Variants in ASGR2 observed in about 807,000 individuals in gnomAD.
The protein encoded by ASGR2 is C-type lectin domain family 4 member H2.
In ASGR2, 34 loss-of-function variants were observed where a neutral mutation model predicts 32.3. The observed-to-expected ratio is 1.05, with a 90% CI of 0.80 to 1.40. ASGR2 has a LOEUF of 1.40. Among genes scored for constraint, ASGR2 ranks in the 40% most tolerant of loss-of-function variants. The probability of loss-of-function intolerance (pLI) is 0.00; values close to 1 mark genes in which losing one functional copy is unlikely to be tolerated. For missense variants in ASGR2, 385 were observed against 386.4 expected, an observed-to-expected ratio of 1.00 and a Z score of 0.03; for synonymous variants, 143 against 150.0, an observed-to-expected ratio of 0.95 and a Z score of 0.34.
intron 2 of ASGR2, among the ~76,000 whole-genome samples, chr17:7,111,944 G>A (rs2151734842): frequency 6.8e-6 from 1 of 146,394 alleles, no homozygotes; most frequent in East Asian, 2.0e-4. Context: ...CTGGGAGGCT[G>A]AAGTGGAAGG....
At chr17:7,102,784 G>C (rs1913044439) in intron 7 of ASGR2, among the ~76,000 whole-genome samples, 2 of 152,168 alleles carry the variant, frequency 1.3e-5, no homozygotes. Flanking sequence ...TCAGGCCCGG[G>C]AGCTTCTAAG....
chr17:7,109,297 G>A (rs1914322224), intron 2 of ASGR2, among the ~76,000 whole-genome samples: 1 of 152,040 alleles, frequency 6.6e-6, no homozygotes, highest in Admixed American at 6.5e-5. Context: ...AGTGGCAGAG[G>A]CCTCCAGATC....
intron 2 of ASGR2, among the ~76,000 whole-genome samples, chr17:7,109,760 G>T (rs760644620): frequency 6.6e-6 from 1 of 151,702 alleles, no homozygotes; most frequent in Non-Finnish European, 1.5e-5. Flanking sequence ...TCATGACCAC[G>T]CTCTGCTGTA....
At chr17:7,103,514 G>A (rs990305879) in intron 7 of ASGR2, among the ~76,000 whole-genome samples, 5 of 152,214 alleles carry the variant, frequency 3.3e-5, no homozygotes, top group Non-Finnish European at 5.9e-5. Flanking sequence ...GTTAAAGACT[G>A]AGAGGAGGAA....
At chr17:7,102,252 C>T (rs1912946648) in intron 7 of ASGR2, 56 bp from the exon 8 acceptor site, 1 of 1,443,992 alleles carries the variant, frequency 6.9e-7, no homozygotes, top group African/African-American at 1.4e-5. Context: ...CTCCTCCCTC[C>T]ATGCAGGCAT....
In ASGR2 at chr17:7,108,633, AATGTCCCCGC is replaced by A; in HGVS notation, c.242-86_242-77del. Reference sequence around the variant, plus strand: ...TCACTGTCCATGTGACTGGCCCCTCAATGTCCCCGCATTTGCCCCAGCTTGTGCTCCACCC... The same window carrying A: ...TCACTGTCCATGTGACTGGCCCCTCAATTTGCCCCAGCTTGTGCTCCACCC... On this transcript the variant is annotated intron_variant, in intron 3 of 8. Coordinates refer to ENST00000691900, the MANE Select transcript of ASGR2 (RefSeq NM_001201352.2). The surrounding 1 kb of genome is among the most constrained non-coding windows in gnomAD (Gnocchi z 4.9). The A allele has an allele frequency of 6.2e-7, 1 of 1,601,310 alleles. No individual in the cohort carries two copies. Among genetic ancestry groups the A allele is most frequent in the Non-Finnish European group, 8.5e-7 (1 of 1,171,890 alleles).
rs1305003507 is a variant in ASGR2, at chr17:7,113,888, G to A, written c.124+229C>T. Among the ~76,000 whole-genome samples, 3 of 152,260 alleles carry A rather than the reference G, an allele frequency of 2.0e-5. No homozygotes were observed. The highest frequency in any genetic ancestry group is 6.5e-5 in the Admixed American group (1 of 15,292). ...ACATACGAGGCACATGTGTTCTTGG[G>A]TTGGGAGGAGAAGGGCAGGCAGTTA... On this transcript the variant is annotated intron_variant, in intron 2 of 8. Transcript: ENST00000691900. The surrounding 1 kb of genome is among the most constrained non-coding windows in gnomAD (Gnocchi z 5.1).
rs567573001 is a variant in ASGR2, at chr17:7,111,483, C to T, written c.125-2595G>A. Among the ~76,000 whole-genome samples, 8 of 151,954 alleles carry T rather than the reference C, an allele frequency of 5.3e-5. No individual in the cohort carries two copies. In the South Asian group the frequency reaches 6.2e-4, roughly 12 times the overall value. On this transcript the variant is annotated intron_variant, in intron 2 of 8. Transcript: ENST00000691900. ...CATCCTGGCTAACATGGTGAAACCC[C>T]ATCTCTACTAAAAATACAAAAAATT...
chr17:7,108,948 C>T lies in ASGR2; in HGVS notation c.125-60G>A. On this transcript the variant is annotated intron_variant, in intron 2 of 8. Transcript: ENST00000691900. The surrounding 1 kb of genome is among the most constrained non-coding windows in gnomAD (Gnocchi z 4.9). ...GGTGTGGGGAGCCGGAGGGTAAAGA[C>T]AGGGCACCGAAGCCTGAGGAGGCAT... 6.5e-7 allele frequency: 1 copy of T among 1,535,270 alleles called. No homozygotes were observed. Among genetic ancestry groups the T allele is most frequent in the East Asian group, 2.5e-5 (1 of 40,592 alleles).
intron 2 of ASGR2, among the ~76,000 whole-genome samples, chr17:7,110,238 A>C (rs1236449319): frequency 6.6e-6 from 1 of 152,040 alleles, no homozygotes; most frequent in Non-Finnish European, 1.5e-5. Context: ...TGACCCAGGG[A>C]GGCCTCTGAC....
At chr17:7,105,417 C>T (rs951442445) in intron 7 of ASGR2, among the ~76,000 whole-genome samples, 1 of 152,192 alleles carries the variant, frequency 6.6e-6, no homozygotes, top group African/African-American at 2.4e-5. Context: ...GGCTCAGACA[C>T]CTGTAATCCC....
Position 7,113,013 on chromosome 17 carries a change from C to T in ASGR2, c.124+1104G>A, listed in dbSNP as rs1029552784. On this transcript the variant is annotated intron_variant, in intron 2 of 8. Transcript: ENST00000691900. This position sits in a 1 kb window ranked among gnomAD's most constrained non-coding sequence, Gnocchi z 5.1. ...TCTCTAAAAAATTTTTTTTAATTTG[C>T]CAGGCACAGTGGTGCACACCTGTAA... Among the ~76,000 whole-genome samples the T allele has an allele frequency of 2.0e-5, 3 of 151,988 alleles. No homozygotes were observed. Among genetic ancestry groups the T allele is most frequent in the Admixed American group, 2.0e-4 (3 of 15,256 alleles).
At chr17:7,102,739 C>A (rs770730672) in intron 7 of ASGR2, among the ~76,000 whole-genome samples, 1 of 152,160 alleles carries the variant, frequency 6.6e-6, no homozygotes, top group Admixed American at 6.6e-5. Flanking sequence ...TGGTAGCTCT[C>A]GCTTCTATGT....
chr17:7,110,560 T>C (rs780244372), intron 2 of ASGR2, among the ~76,000 whole-genome samples: 11 of 152,246 alleles, frequency 7.2e-5, no homozygotes, highest in Non-Finnish European at 1.3e-4. Flanking sequence ...CAGGTAGCTC[T>C]GAGATCATGC....
Position 7,114,146 on chromosome 17 carries a change from T to C in ASGR2, c.95A>G (p.Asn32Ser). The C allele has an allele frequency of 6.2e-7, 1 of 1,614,224 alleles. No homozygotes were observed. Among genetic ancestry groups the C allele is most frequent in the Non-Finnish European group, 8.5e-7 (1 of 1,180,028 alleles). The change falls in exon 2 of 9, where the codon AAT becomes AGT. Residue 32 changes from asparagine (N) to serine (S), a missense_variant. Asn to Ser is a conservative substitution (Grantham distance 46). Transcript: ENST00000691900. The surrounding 1 kb of genome is among the most constrained non-coding windows in gnomAD (Gnocchi z 4.5). ...CAAAAATGGATTTCCTCTCCTGGGA[T>C]TCAGCCTGCGAGTGCCTGGCCCCTC... ...QGEGPGTRRL[N>S]PRRGNPFLKG... is the part of the protein sequence containing the mutation.
chr17:7,101,624 T>G lies in ASGR2; in HGVS notation c.872A>C (p.Tyr291Ser). 1 of 1,614,174 alleles carries G rather than the reference T, an allele frequency of 6.2e-7. No homozygotes were observed. The highest frequency in any genetic ancestry group is 8.5e-7 in the Non-Finnish European group (1 of 1,180,032). The part of the protein sequence containing the change: ...RWNDDFCLQV[Y>S]RWVCEKRRNA... ...CCGCCTTTTCTCACACACCCAGCGGTACACCTGCAGGCAGAAGTCATCGTT... is the reference window on the plus strand; with the variant it reads ...CCGCCTTTTCTCACACACCCAGCGGGACACCTGCAGGCAGAAGTCATCGTT... Residue 291 changes from tyrosine (Y) to serine (S), a missense_variant, in exon 9 of 9, where the codon TAC becomes TCC. By Grantham distance (144) the Tyr-to-Ser change is moderately radical. Coordinates refer to ENST00000691900, the MANE Select transcript of ASGR2 (RefSeq NM_001201352.2).
chr17:7,107,864 C>T lies in ASGR2; in HGVS notation c.381G>A (p.Leu127=), dbSNP rs574890339. ...GDKITSLGAK[L]EKQQQDLKAD... ...CTTTCAGGTCCTGCTGCTGTTTCTC[C>T]AGCTTGGCTCCTAGGGATGTGATCT... Residue 127 remains leucine (L), a synonymous_variant, in exon 5 of 9, where the codon CTG becomes CTA. Transcript: ENST00000691900. The surrounding 1 kb of genome is among the most constrained non-coding windows in gnomAD (Gnocchi z 5.0). The T allele has an allele frequency of 7.3e-5, 118 of 1,612,766 alleles. 2 individuals carry two copies. The South Asian group carries it at 1.2e-3, about 17-fold the overall frequency.
In ASGR2 at chr17:7,107,260, GCCACGAAGCGCAGGT is replaced by G; in HGVS notation, c.452_466del (p.Asp151_Val155del). On this transcript the variant is annotated inframe_deletion, in exon 6 of 9. Transcript: ENST00000691900. This position sits in a 1 kb window ranked among gnomAD's most constrained non-coding sequence, Gnocchi z 5.0. ...GCTGTGGAGGAGCTCCATCTGGCAG[GCCACGAAGCGCAGGT>G]CCACGGGGAAGTGCTTCAGATGGAA... 1 of 1,614,108 alleles carries G rather than the reference GCCACGAAGCGCAGGT, an allele frequency of 6.2e-7. No homozygotes were observed. Among genetic ancestry groups the G allele is most frequent in the Non-Finnish European group, 8.5e-7 (1 of 1,180,020 alleles).
chr17:7,113,728 C>G lies in ASGR2; in HGVS notation c.124+389G>C, dbSNP rs1048214882. Among the ~76,000 whole-genome samples, 1 of 143,660 alleles carries G rather than the reference C, an allele frequency of 7.0e-6. No individual in the cohort carries two copies. Among genetic ancestry groups the G allele is most frequent in the Non-Finnish European group, 1.5e-5 (1 of 65,090 alleles). The allele number at this position is 143,660 out of a possible 152,430, so 94.2% of individuals were successfully genotyped here. On this transcript the variant is annotated intron_variant, in intron 2 of 8. Transcript: ENST00000691900. This position sits in a 1 kb window ranked among gnomAD's most constrained non-coding sequence, Gnocchi z 5.1. ...CACACTCTCACACACAACATACCCTCTCACATACACGACATACACACACAC... is the reference window on the plus strand; with the variant it reads ...CACACTCTCACACACAACATACCCTGTCACATACACGACATACACACACAC...
Sources: gnomAD v4.1 joint callset for allele counts (sites outside exome capture counted in the v4.1 genomes callset) on GRCh38, gnomAD v4.1.1 for gene constraint, Gnocchi (gnomAD v3.1) non-coding constraint, MANE v1.5 for transcripts, NCBI Gene and HGNC (gene_info 2026-07-23, HGNC 2026-07-21) for gene names.